SORBS2: variants seen among roughly 807,000 people sequenced by gnomAD.
The protein encoded by SORBS2 is sorbin and SH3 domain containing 2.
In SORBS2, 46 loss-of-function variants were observed where a neutral mutation model predicts 97.7. The observed-to-expected ratio is 0.47, with a 90% CI of 0.37 to 0.60. The LOEUF (loss-of-function observed/expected upper bound fraction) is 0.60, where lower values mean the gene tolerates loss of function less well. Among genes scored for constraint, SORBS2 ranks in the 20% least tolerant of loss-of-function variants. SORBS2 has a pLI of 0.00. For missense variants in SORBS2, 1,316 were observed against 1,282.3 expected (o/e 1.03, Z -0.40); for synonymous variants, 476 against 473.4 (o/e 1.01, Z -0.07).
intron 1 of SORBS2, chr4:185,775,579 A>G (rs1283750468): frequency 6.6e-6 from 1 of 152,210 alleles, no homozygotes; most frequent in Non-Finnish European, 1.5e-5. Flanking sequence ...GACTTGGTTC[A>G]TTGTGCAAAT....
At chr4:185,635,441 G>A (rs780805558) in intron 4 of SORBS2, 30 bp from the exon 16 acceptor site, 5 of 1,560,228 alleles carry the variant, frequency 3.2e-6, no homozygotes, top group East Asian at 4.5e-5. Flanking sequence ...AGAAGCAGAA[G>A]TGTAGGGATG....
At chr4:185,790,561 T>C (rs552372557) in intron 1 of SORBS2, among the ~76,000 whole-genome samples, 1 of 152,306 alleles carries the variant, frequency 6.6e-6, no homozygotes, top group African/African-American at 2.4e-5. Flanking sequence ...TTGGAATTAT[T>C]TTCACATTAA....
At chr4:185,663,428 A>G (rs904840763) in intron 4 of SORBS2, among the ~76,000 whole-genome samples, 6 of 152,238 alleles carry the variant, frequency 3.9e-5, no homozygotes, top group African/African-American at 1.2e-4. Flanking sequence ...AAATCAATAA[A>G]CATTTCATTA....
At chr4:185,629,247 T>C (rs577463035) in intron 5 of SORBS2, among the ~76,000 whole-genome samples, 1 of 152,286 alleles carries the variant, frequency 6.6e-6, no homozygotes, top group African/African-American at 2.4e-5. Context: ...TGTCCTGTCA[T>C]GTGAGGGTCT....
At chr4:185,899,557 C>T (rs2099246588) in intron 1 of SORBS2, among the ~76,000 whole-genome samples, 2 of 152,150 alleles carry the variant, frequency 1.3e-5, no homozygotes, top group Admixed American at 6.5e-5. Flanking sequence ...TCCCCAGAGG[C>T]TGGGACCCTG....
chr4:185,912,173 T>C (rs1251410348), intron 1 of SORBS2, among the ~76,000 whole-genome samples: 1 of 152,188 alleles, frequency 6.6e-6, no homozygotes, highest in Non-Finnish European at 1.5e-5. Flanking sequence ...TAGCAGTGCT[T>C]CTTTCTTTTC....
chr4:185,684,896 C>A lies in SORBS2; in HGVS notation c.-197-6074G>T. On this transcript the variant is annotated intron_variant, in intron 2 of 20. Transcript: ENST00000284776. This position sits in a 1 kb window ranked among gnomAD's most constrained non-coding sequence, Gnocchi z 4.2. ...AGAGGCCAAGGCAACGGGAAAAGCACGTGCAATATCATGCGTTTTAAGAGA... is the reference window on the plus strand; with the variant it reads ...AGAGGCCAAGGCAACGGGAAAAGCAAGTGCAATATCATGCGTTTTAAGAGA... 1 of 1,346,530 alleles carries A rather than the reference C, an allele frequency of 7.4e-7. No homozygotes were observed. The highest frequency in any genetic ancestry group is 2.5e-5 in the East Asian group (1 of 39,914). The allele number at this position is 1,346,530 out of a possible 1,614,324, so 83.4% of individuals were successfully genotyped here.
chr4:185,868,159 C>CTTTTTTTTTTTTTTTTT lies in SORBS2; in HGVS notation c.-338+88036_-338+88037insAAAAAAAAAAAAAAAAA, dbSNP rs112680775. On this transcript the variant is annotated intron_variant, in intron 1 of 20. Transcript: ENST00000284776. Reference sequence around the variant, plus strand: ...TCTCTTTTCTTTTCTTTTTTTCTTTCTTTTTTTTTTTTTTTGAGGCAGAGT... The same window carrying CTTTTTTTTTTTTTTTTT: ...TCTCTTTTCTTTTCTTTTTTTCTTTCTTTTTTTTTTTTTTTTTTTTTTTTTTTTTTTTGAGGCAGAGT... Among the ~76,000 whole-genome samples the CTTTTTTTTTTTTTTTTT allele has an allele frequency of 2.0e-4, 21 of 105,214 alleles. 1 individual carries two copies. The highest frequency in any genetic ancestry group is 3.1e-4 in the East Asian group (1 of 3,250). 69.0% of individuals were successfully genotyped at this position (105,214 alleles called of 152,430 possible).
At chr4:185,726,426 A>T (rs945010375) in intron 2 of SORBS2, among the ~76,000 whole-genome samples, 1 of 152,154 alleles carries the variant, frequency 6.6e-6, no homozygotes, top group Non-Finnish European at 1.5e-5. Context: ...TGGGTTAAAT[A>T]TCAAAGGAAT....
intron 1 of SORBS2, among the ~76,000 whole-genome samples, chr4:185,797,925 G>A (rs909470840): frequency 6.6e-6 from 1 of 152,184 alleles, no homozygotes; most frequent in African/African-American, 2.4e-5. Context: ...TTGCCTAGAA[G>A]GGTCAGTCAC....
At chr4:185,837,525 C>A (rs1329360511) in intron 1 of SORBS2, among the ~76,000 whole-genome samples, 1 of 152,150 alleles carries the variant, frequency 6.6e-6, no homozygotes, top group African/African-American at 2.4e-5. Context: ...TCAAATGCAA[C>A]TAGGTTGGAA....
At chr4:185,851,804 G>C (rs557115758) in intron 1 of SORBS2, among the ~76,000 whole-genome samples, 3 of 152,166 alleles carry the variant, frequency 2.0e-5, no homozygotes, top group African/African-American at 7.2e-5. Flanking sequence ...TCCTGCCCTC[G>C]AACATCAGAC....
Position 185,907,523 on chromosome 4 carries a change from T to G in SORBS2, c.-338+48673A>C, listed in dbSNP as rs530257244. 4.6e-5 allele frequency among the ~76,000 whole-genome samples: 7 copies of G among 152,366 alleles called. No individual in the cohort carries two copies. In the South Asian group the frequency reaches 1.4e-3, roughly 32 times the overall value. On this transcript the variant is annotated intron_variant, in intron 1 of 20. Coordinates refer to the SORBS2 transcript ENST00000284776. ...ACACATTTTGTGGCCTGGATGTTTA[T>G]GTTTAGCTGTTTTTCTGGAGAGCTT...
At chr4:185,784,769 G>C (rs1423392294) in intron 1 of SORBS2, among the ~76,000 whole-genome samples, 1 of 152,264 alleles carries the variant, frequency 6.6e-6, no homozygotes, top group East Asian at 1.9e-4. Context: ...CAGAAGTTTT[G>C]AAAGAACTTC....
At chr4:185,895,831 C>A (rs2099244748) in intron 1 of SORBS2, among the ~76,000 whole-genome samples, 1 of 152,186 alleles carries the variant, frequency 6.6e-6, no homozygotes, top group African/African-American at 2.4e-5. Flanking sequence ...ATTTAATTTT[C>A]AAATAATTCT....
At chr4:185,828,011 GTCACCATCATC>G (rs2099202897) in intron 1 of SORBS2, among the ~76,000 whole-genome samples, 1 of 49,404 alleles carries the variant, frequency 2.0e-5, no homozygotes, top group East Asian at 3.4e-4. Flanking sequence ...CATCATCATC[GTCACCATCATC>G]ATCATCTCAT....
chr4:185,923,228 T>C (rs2099261793), intron 1 of SORBS2, among the ~76,000 whole-genome samples: 1 of 152,190 alleles, frequency 6.6e-6, no homozygotes, highest in Non-Finnish European at 1.5e-5. Context: ...CTTGGATCTA[T>C]GCTGCTTATG....
At chr4:185,686,689 A>G (rs577588060) in intron 2 of SORBS2, among the ~76,000 whole-genome samples, 164 of 152,362 alleles carry the variant, frequency 1.1e-3, no homozygotes, top group African/African-American at 3.8e-3. Flanking sequence ...TCACTCTAAG[A>G]GTGATTTTAT....
At chr4:185,687,219 G>A (rs1178569379) in intron 2 of SORBS2, among the ~76,000 whole-genome samples, 1 of 151,978 alleles carries the variant, frequency 6.6e-6, no homozygotes, top group East Asian at 1.9e-4. Flanking sequence ...ACAGGGATAG[G>A]GTCTCACTAT....
Sources: allele counts gnomAD v4.1 joint callset (sites outside exome capture counted in the v4.1 genomes callset), GRCh38; gene constraint gnomAD v4.1.1; non-coding constraint Gnocchi (gnomAD v3.1); transcripts MANE v1.5; gene names NCBI Gene and HGNC (gene_info 2026-07-23, HGNC 2026-07-21).